Variants in TUT7 observed in about 807,000 individuals in gnomAD.
TUT7 encodes terminal uridylyl transferase 7.
A neutral mutation model predicts 165.9 loss-of-function variants in TUT7; 33 were observed. That is an observed-to-expected ratio of 0.20 (90% CI 0.15 to 0.27). The LOEUF is 0.27. TUT7 is among the 10% of genes least tolerant of loss of function. The pLI is 1.00. For synonymous variants in TUT7, 552 were observed against 608.1 expected (o/e 0.91, Z 1.36); for missense variants, 1,338 against 1,762.3 (o/e 0.76, Z 4.31).
rs1829496769 is a variant in TUT7, at chr9:86,323,346, C to T, written c.2404G>A (p.Gly802Arg). ...FQNPTAKECE[G>R]LATLDNKADL... ...GCCTTGTTATCTAAAGTGGCAAGTC[C>T]CTCACACTCTTTAGCTGTGGGATTT... Residue 802 changes from glycine to arginine, a missense_variant, in exon 13 of 27, where the codon GGA (glycine) becomes AGA (arginine). By Grantham distance (125) the Gly-to-Arg change is moderately radical. Around this residue, in one of 7 missense-constraint regions of TUT7, gnomAD observed 425 missense variants for 474.9 expected, o/e 0.89. Transcript: ENST00000375963. 3.1e-6 allele frequency: 5 copies of T among 1,614,054 alleles called. No individual in the cohort carries two copies. Among genetic ancestry groups the T allele is most frequent in the African/African-American group, 2.7e-5 (2 of 75,014 alleles).
In TUT7 at chr9:86,305,063, G is replaced by A. The variant is rs956684228; in HGVS notation, c.3887-116C>T. On this transcript the variant is annotated intron_variant, in intron 23 of 26. Coordinates refer to ENST00000375963, the MANE Select transcript of TUT7 (RefSeq NM_024617.4). The stretch of plus-strand genomic sequence containing the variant: ...GTTATTCTAGCACTCTGGGAGGCTG[G>A]GGTAGGTGGATCACTTGAGCCCAGG... 17 of 1,175,040 alleles carry A rather than the reference G, an allele frequency of 1.4e-5. No individual in the cohort carries two copies. The East Asian group carries it at 4.1e-4, about 28-fold the overall frequency. The allele number at this position is 1,175,040 out of a possible 1,614,324, so 72.8% of individuals were successfully genotyped here. A position where few individuals can be genotyped will look rare whatever the true frequency, so the allele number is the denominator to read the frequency against.
intron 2 of TUT7, among the ~76,000 whole-genome samples, chr9:86,351,880 C>G (rs1434343178): frequency 6.6e-6 from 1 of 152,134 alleles, no homozygotes; most frequent in Non-Finnish European, 1.5e-5. Flanking sequence ...CAATTTGTGA[C>G]TTTATTTCAT....
In TUT7 at chr9:86,346,439, T is replaced by G; in HGVS notation, c.562A>C (p.Thr188Pro). 1 of 1,614,086 alleles carries G rather than the reference T, an allele frequency of 6.2e-7. No homozygotes were observed. Residue 188 changes from threonine (T) to proline (P), a missense_variant, in exon 3 of 27, where the codon ACT becomes CCT. Thr to Pro is a conservative substitution (Grantham distance 38). Transcript: ENST00000375963. ...TCCTGCTCATTTTCCTCATTTCTAG[T>G]CTTCCGTGGCTTCCTAGGTCTGGAC... ...QRSRPRKPRK[T>P]RNEENEQDGD...
intron 4 of TUT7, among the ~76,000 whole-genome samples, chr9:86,345,406 T>C (rs574537456): frequency 3.3e-5 from 5 of 152,284 alleles, no homozygotes; most frequent in African/African-American, 9.6e-5. Flanking sequence ...CTTACAAACA[T>C]TGTTTGCTTT....
At chr9:86,310,625 C>A in intron 18 of TUT7, 81 bp downstream of exon 18, 1 of 723,790 alleles carries the variant, frequency 1.4e-6, no homozygotes, top group Non-Finnish European at 2.4e-6. Context: ...ATGAATGTGA[C>A]TTCTTTAACT....
chr9:86,317,456 A>G (rs1828824976), intron 16 of TUT7, among the ~76,000 whole-genome samples, 180 bp from the exon 17 acceptor site: 1 of 152,334 alleles, frequency 6.6e-6, no homozygotes, highest in African/African-American at 2.4e-5. Context: ...GACGGTACAA[A>G]AACCACTAAA....
At position 86,353,130 on chromosome 9, in the gene TUT7, A is replaced by G; in HGVS notation, c.70T>C (p.Phe24Leu). ...TCTTGTTGGGGGTGACCCCTTCTGA[A>G]GTCATCATCATCCATAGTCCCCCGG... is the stretch of plus-strand genomic sequence containing the variant. ...KDRGTMDDDD[F>L]RRGHPQQDYL... The change falls in exon 2 of 27, where the codon TTC (phenylalanine) becomes CTC (leucine). Residue 24 changes from phenylalanine (F) to leucine (L), a missense_variant. Transcript: ENST00000375963. The G allele has an allele frequency of 6.2e-7, 1 of 1,612,388 alleles. No individual in the cohort carries two copies. The highest frequency in any genetic ancestry group is 8.5e-7 in the Non-Finnish European group (1 of 1,179,704).
At chr9:86,353,511 A>G (rs1207217080) in intron 1 of TUT7, among the ~76,000 whole-genome samples, 1 of 152,236 alleles carries the variant, frequency 6.6e-6, no homozygotes, top group Non-Finnish European at 1.5e-5. Flanking sequence ...GAACTGTAGC[A>G]TAGTAGAATA....
chr9:86,290,686 CAAAAAAAAAAA>C (rs749800073), intron 26 of TUT7, among the ~76,000 whole-genome samples: 2 of 54,774 alleles, frequency 3.7e-5, no homozygotes, highest in African/African-American at 1.2e-4. Flanking sequence ...TACTAAAATA[CAAAAAAAAAAA>C]AAAAAAAAAA....
intron 26 of TUT7, among the ~76,000 whole-genome samples, chr9:86,293,654 A>G (rs1161366174): frequency 1.3e-5 from 2 of 152,216 alleles, no homozygotes; most frequent in African/African-American, 4.8e-5. Context: ...CAAAATGTGC[A>G]TACTTTTAAA....
intron 22 of TUT7, among the ~76,000 whole-genome samples, chr9:86,306,914 T>C (rs1389705213): frequency 6.6e-6 from 1 of 152,160 alleles, no homozygotes; most frequent in East Asian, 1.9e-4. Context: ...TACTAACTGC[T>C]TGTCTGAAAG....
rs1827835950 is a variant in TUT7, at chr9:86,309,582, C to T, written c.3469-6G>A. 6.3e-7 allele frequency: 1 copy of T among 1,597,284 alleles called. No homozygotes were observed. Among genetic ancestry groups the T allele is most frequent in the Non-Finnish European group, 8.6e-7 (1 of 1,169,398 alleles). On this transcript the variant is annotated splice_region_variant and splice_polypyrimidine_tract_variant and intron_variant, in intron 19 of 26. Transcript: ENST00000375963. ...GCATCACCAATATCACACATCTAGA[C>T]AGAAGGAAAACCAAGAACAAAGGAA...
intron 26 of TUT7, among the ~76,000 whole-genome samples, chr9:86,289,560 A>G (rs1411872138): frequency 6.8e-6 from 1 of 147,402 alleles, no homozygotes; most frequent in Non-Finnish European, 1.5e-5. Flanking sequence ...AGCGTAAGAA[A>G]GAGTGAGTAA....
chr9:86,351,743 T>TA (rs1299331950), intron 2 of TUT7, among the ~76,000 whole-genome samples: 1 of 152,132 alleles, frequency 6.6e-6, no homozygotes, highest in African/African-American at 2.4e-5. Context: ...GCATTTAAAC[T>TA]AAAAAAATTT....
At chr9:86,295,887 C>CA (rs1587845675) in intron 26 of TUT7, among the ~76,000 whole-genome samples, 1 of 149,304 alleles carries the variant, frequency 6.7e-6, no homozygotes, top group East Asian at 1.9e-4. Flanking sequence ...TTTTCTTTAC[C>CA]AAAAAAAGGG....
At chr9:86,316,903 TACA>T (rs1249511025) in intron 17 of TUT7, among the ~76,000 whole-genome samples, 3 of 144,762 alleles carry the variant, frequency 2.1e-5, no homozygotes, top group Non-Finnish European at 2.9e-5. Flanking sequence ...AAACTAACGA[TACA>T]ACAATAAAAA....
Position 86,309,942 on chromosome 9 carries a change from T to C in TUT7, c.3454A>G (p.Lys1152Glu). 1 of 1,613,826 alleles carries C rather than the reference T, an allele frequency of 6.2e-7. No homozygotes were observed. The highest frequency in any genetic ancestry group is 8.5e-7 in the Non-Finnish European group (1 of 1,179,806). Residue 1152 changes from lysine (K) to glutamate (E), a missense_variant, in exon 19 of 27, where the codon AAA becomes GAA. Lys to Glu is a moderately conservative substitution (Grantham distance 56). This residue lies in a region of TUT7 where 157 missense variants were observed against 357.5 expected (regional missense o/e 0.44). Coordinates refer to ENST00000375963, the MANE Select transcript of TUT7 (RefSeq NM_024617.4). ...PRVKYLCYTM[K>E]VFTKMCDIGD... ...AGCATACTCACCTTTGTAAATACTT[T>C]CATGGTATAGCACAAATACTTCACT...
At chr9:86,315,765 T>C (rs1000610223) in intron 17 of TUT7, among the ~76,000 whole-genome samples, 6 of 146,694 alleles carry the variant, frequency 4.1e-5, no homozygotes, top group African/African-American at 1.3e-4. Flanking sequence ...TTTTTTTTTA[T>C]ATTGTTCTGC....
intron 18 of TUT7, 88 bp from the exon 19 acceptor site, chr9:86,310,105 G>C: frequency 8.9e-7 from 1 of 1,121,438 alleles, no homozygotes; most frequent in South Asian, 1.4e-5. Flanking sequence ...AAATAATGGA[G>C]ATGGGATCTC....
Sources: gnomAD v4.1 joint callset for allele counts (sites outside exome capture counted in the v4.1 genomes callset) on GRCh38, gnomAD v4.1.1 for gene constraint, gnomAD v4.1.1 regional missense constraint, MANE v1.5 for transcripts, NCBI Gene and HGNC (gene_info 2026-07-23, HGNC 2026-07-21) for gene names.